PTPRK: variants seen among roughly 807,000 people sequenced by gnomAD.
PTPRK encodes protein tyrosine phosphatase receptor type K.
PTPRK carries 75 observed loss-of-function variants against 178.0 expected under a neutral mutation model. The ratio of observed to expected loss-of-function variants is 0.42; its 90% CI spans 0.35 to 0.51. PTPRK has a LOEUF of 0.51. PTPRK is among the 20% of genes least tolerant of loss of function. PTPRK has a pLI of 0.02. For synonymous variants in PTPRK, 637 were observed against 620.6 expected (o/e 1.03, Z -0.39); for missense variants, 1,441 against 1,797.8 (o/e 0.80, Z 3.59).
chr6:128,421,117 T>C (rs1010668519), intron 1 of PTPRK, among the ~76,000 whole-genome samples: 10 of 152,256 alleles, frequency 6.6e-5, no homozygotes, highest in Admixed American at 2.6e-4. Flanking sequence ...CTGACAGATA[T>C]ATTTTTCCTA....
At chr6:128,161,146 C>T (rs1365775341) in intron 7 of PTPRK, among the ~76,000 whole-genome samples, 1 of 151,648 alleles carries the variant, frequency 6.6e-6, no homozygotes, top group Non-Finnish European at 1.5e-5. Flanking sequence ...TGTTTAAGAA[C>T]ACAATAGCTT....
chr6:128,166,027 T>C (rs1161082075), intron 7 of PTPRK, among the ~76,000 whole-genome samples: 4 of 151,718 alleles, frequency 2.6e-5, no homozygotes, highest in African/African-American at 4.8e-5. Flanking sequence ...AAAGTTACTA[T>C]AATTCTGACC....
chr6:128,185,528 T>C (rs930729813), intron 6 of PTPRK, among the ~76,000 whole-genome samples: 2 of 152,114 alleles, frequency 1.3e-5, no homozygotes, highest in Non-Finnish European at 2.9e-5. Flanking sequence ...TCAACAGCTA[T>C]AGCTCTGTTC....
At position 128,355,500 on chromosome 6, in the gene PTPRK, C is replaced by G. The variant is rs74471657; in HGVS notation, c.224-33190G>C. 9.1e-3 allele frequency among the ~76,000 whole-genome samples: 1,379 copies of G among 151,884 alleles called. 19 individuals are homozygous for G. The highest frequency in any genetic ancestry group is 0.031 in the African/African-American group (1,297 of 41,374). On this transcript the variant is annotated intron_variant, in intron 2 of 29. Coordinates refer to ENST00000368226, the MANE Select transcript of PTPRK (RefSeq NM_002844.4). ...TGTGTGTAAAATAGCCTCTCTTTAC[C>G]GAATATTAATAATATACACACACAT...
At chr6:128,035,095 G>T (rs549019403) in intron 13 of PTPRK, among the ~76,000 whole-genome samples, 4 of 152,242 alleles carry the variant, frequency 2.6e-5, no homozygotes, top group Admixed American at 6.5e-5. Context: ...ACATTGGCTG[G>T]GCACGGTGGC....
At chr6:128,145,207 T>A (rs1796304613) in intron 7 of PTPRK, among the ~76,000 whole-genome samples, 1 of 152,074 alleles carries the variant, frequency 6.6e-6, no homozygotes, top group African/African-American at 2.4e-5. Context: ...AATACTACTG[T>A]TCCTTAAAAA....
At chr6:128,505,736 A>G (rs1208280785) in intron 1 of PTPRK, among the ~76,000 whole-genome samples, 2 of 152,212 alleles carry the variant, frequency 1.3e-5, no homozygotes, top group Non-Finnish European at 2.9e-5. Flanking sequence ...AAAAAGTTGG[A>G]AAAATAAAAG....
intron 7 of PTPRK, among the ~76,000 whole-genome samples, chr6:128,102,599 T>A (rs1788975181): frequency 6.6e-6 from 1 of 152,222 alleles, no homozygotes; most frequent in Admixed American, 6.5e-5. Context: ...TTGCCGTATT[T>A]ATCTACTACT....
intron 11 of PTPRK, among the ~76,000 whole-genome samples, chr6:128,070,361 T>G (rs1053839978): frequency 1.3e-4 from 20 of 152,142 alleles, no homozygotes; most frequent in African/African-American, 4.3e-4. Context: ...CTCAAAGTGA[T>G]AGTATTTGGA....
intron 7 of PTPRK, among the ~76,000 whole-genome samples, chr6:128,167,706 A>G (rs1478625331): frequency 6.6e-6 from 1 of 152,066 alleles, no homozygotes; most frequent in Non-Finnish European, 1.5e-5. Context: ...TAGTAGGGCA[A>G]GATTGTAAAG....
chr6:128,154,371 C>A (rs913762964), intron 7 of PTPRK, among the ~76,000 whole-genome samples: 5 of 151,488 alleles, frequency 3.3e-5, no homozygotes, highest in African/African-American at 1.2e-4. Flanking sequence ...TTGGTGTCAG[C>A]CATTAGTATC....
At chr6:128,380,376 A>G (rs572256938) in intron 2 of PTPRK, among the ~76,000 whole-genome samples, 89 of 152,150 alleles carry the variant, frequency 5.8e-4, no homozygotes, top group African/African-American at 2.0e-3. Flanking sequence ...GCAAAGTGGG[A>G]GTTTTGTTTC....
chr6:128,251,435 T>C (rs185179244), intron 3 of PTPRK, among the ~76,000 whole-genome samples: 66 of 152,266 alleles, frequency 4.3e-4, no homozygotes, highest in African/African-American at 1.5e-3. Context: ...CCATGACTCA[T>C]AGATGCATAA....
rs1786592271 is a variant in PTPRK at position 128,089,714 on chromosome 6, T to C, written c.1441A>G (p.Thr481Ala). ...NPEGRKESEETIIQTDEDVPG... is the reference protein window; with the variant it reads ...NPEGRKESEEAIIQTDEDVPG... ...CCATCTTCATCAGTTTGAATAATTG[T>C]CTCTTCACTCTCCTTCCTTCCCTCT... The change falls in exon 8 of 30, where the codon ACA (threonine) becomes GCA (alanine). Residue 481 changes from threonine (T) to alanine (A), a missense_variant. Physicochemically the swap from Thr to Ala is moderately conservative, Grantham distance 58. Transcript: ENST00000368226. 7 of 1,612,530 alleles carry C rather than the reference T, an allele frequency of 4.3e-6. No homozygotes were observed. Among genetic ancestry groups the C allele is most frequent in the Middle Eastern group, 1.7e-4 (1 of 6,052 alleles).
intron 6 of PTPRK, among the ~76,000 whole-genome samples, chr6:128,186,270 T>C (rs1466753480): frequency 6.6e-6 from 1 of 152,074 alleles, no homozygotes; most frequent in Non-Finnish European, 1.5e-5. Flanking sequence ...GTAATATCAA[T>C]ATTTTTTGTC....
intron 7 of PTPRK, among the ~76,000 whole-genome samples, chr6:128,157,436 C>T (rs1562693518): frequency 6.6e-6 from 1 of 151,886 alleles, no homozygotes; most frequent in African/African-American, 2.4e-5. Flanking sequence ...AACCACAAAC[C>T]TATAAAGAAT....
At chr6:128,057,474 G>T (rs942539089) in intron 13 of PTPRK, among the ~76,000 whole-genome samples, 1 of 152,224 alleles carries the variant, frequency 6.6e-6, no homozygotes, top group Non-Finnish European at 1.5e-5. Context: ...AATCTTGGCA[G>T]ATGATAGCAA....
In PTPRK at chr6:128,396,056, CT is replaced by C. The variant is rs558992707; in HGVS notation, c.223+1509del. Reference sequence around the variant, plus strand: ...AAATTGTTTATTGTTGATGTTTTCACTTTTTTTTTTAAATCACATTGATCAG... The same window carrying C: ...AAATTGTTTATTGTTGATGTTTTCACTTTTTTTTTAAATCACATTGATCAG... On this transcript the variant is annotated intron_variant, in intron 2 of 29. Transcript: ENST00000368226. Among the ~76,000 whole-genome samples the C allele has an allele frequency of 3.7e-3, 551 of 148,288 alleles. 3 individuals are homozygous for C. The highest frequency in any genetic ancestry group is 0.024 in the South Asian group (113 of 4,676).
intron 12 of PTPRK, among the ~76,000 whole-genome samples, chr6:128,066,921 G>A (rs1383921683): frequency 6.6e-6 from 1 of 152,100 alleles, no homozygotes; most frequent in Non-Finnish European, 1.5e-5. Context: ...GAAAAGGAGG[G>A]GCAACCAGGG....
Sources: gnomAD v4.1 joint callset for allele counts (sites outside exome capture counted in the v4.1 genomes callset) on GRCh38, gnomAD v4.1.1 for gene constraint, MANE v1.5 for transcripts, NCBI Gene and HGNC (gene_info 2026-07-23, HGNC 2026-07-21) for gene names.